ETV6: variants seen among roughly 807,000 people sequenced by gnomAD.
ETV6 encodes transcription factor ETV6.
Under a neutral mutation model 51.1 loss-of-function variants are expected in ETV6, and 16 were observed. The ratio of observed to expected loss-of-function variants is 0.31; its 90% CI spans 0.21 to 0.48. The LOEUF is 0.48. Ranked by LOEUF, ETV6 falls within the 20% of genes least tolerant of loss-of-function variation. The probability of loss-of-function intolerance (pLI) is 0.99; values close to 1 mark genes in which losing one functional copy is unlikely to be tolerated. For missense variants in ETV6, 458 were observed against 594.8 expected, an observed-to-expected ratio of 0.77 and a Z score of 2.39; for synonymous variants, 240 against 224.1, an observed-to-expected ratio of 1.07 and a Z score of -0.64.
In ETV6 at chr12:11,891,948, G is replaced by A. The variant is rs1200327918; in HGVS notation, c.*902G>A. 3 of 243,642 alleles carry A rather than the reference G, an allele frequency of 1.2e-5. No individual in the cohort carries two copies. Among genetic ancestry groups the A allele is most frequent in the Non-Finnish European group, 2.4e-5 (3 of 124,128 alleles). 15.1% of individuals were successfully genotyped at this position (243,642 alleles called of 1,614,324 possible). On this transcript the variant is annotated 3_prime_UTR_variant, in exon 8 of 8. Transcript: ENST00000396373. ...CCTGAGATGGCTGTGAGAACCATGT[G>A]TCTAAGGCGTAAGATAAGGATGGAA...
At chr12:11,676,465 G>C (rs767994082) in intron 1 of ETV6, among the ~76,000 whole-genome samples, 14 of 152,134 alleles carry the variant, frequency 9.2e-5, no homozygotes, top group Non-Finnish European at 2.1e-4. Context: ...TCTTTGTCTT[G>C]GACTGCCCTT....
At chr12:11,722,116 G>T (rs975392497) in intron 1 of ETV6, among the ~76,000 whole-genome samples, 2 of 152,220 alleles carry the variant, frequency 1.3e-5, no homozygotes, top group Non-Finnish European at 2.9e-5. Context: ...ATAATTAGGG[G>T]CTGGGAGAGC....
chr12:11,765,983 T>C (rs887764819), intron 2 of ETV6, among the ~76,000 whole-genome samples: 1 of 152,098 alleles, frequency 6.6e-6, no homozygotes, highest in Non-Finnish European at 1.5e-5. Flanking sequence ...AAGCCGCAGG[T>C]ACTGGTTGCC....
At chr12:11,842,324 T>G (rs1946404087) in intron 3 of ETV6, among the ~76,000 whole-genome samples, 1 of 152,138 alleles carries the variant, frequency 6.6e-6, no homozygotes, top group African/African-American at 2.4e-5. Flanking sequence ...TTCTCCCATC[T>G]TGTTCTACCT....
intron 2 of ETV6, among the ~76,000 whole-genome samples, chr12:11,794,112 A>T (rs1945642717): frequency 6.6e-6 from 1 of 152,192 alleles, no homozygotes; most frequent in Admixed American, 6.5e-5. Context: ...TCTTAGAGGC[A>T]CAATGGGAAC....
chr12:11,685,008 G>C (rs1864600779), intron 1 of ETV6, among the ~76,000 whole-genome samples: 1 of 152,122 alleles, frequency 6.6e-6, no homozygotes, highest in Non-Finnish European at 1.5e-5. Flanking sequence ...TCGGTGGTCA[G>C]GGAAGGCCTA....
intron 2 of ETV6, among the ~76,000 whole-genome samples, chr12:11,817,456 G>T (rs991972472): frequency 4.6e-5 from 7 of 152,132 alleles, no homozygotes; most frequent in Admixed American, 1.3e-4. Flanking sequence ...GAAAATTTAG[G>T]AAGAAATAAG....
intron 1 of ETV6, among the ~76,000 whole-genome samples, chr12:11,726,311 A>G (rs1865487705): frequency 6.6e-6 from 1 of 152,202 alleles, no homozygotes; most frequent in South Asian, 2.1e-4. Flanking sequence ...TCCTCAGGAA[A>G]CAGTACCAGA....
chr12:11,807,242 T>A (rs1407034516), intron 2 of ETV6, among the ~76,000 whole-genome samples: 1 of 152,272 alleles, frequency 6.6e-6, no homozygotes, highest in East Asian at 1.9e-4. Context: ...AGCAGGCGTC[T>A]ACTTAATTTT....
intron 2 of ETV6, among the ~76,000 whole-genome samples, chr12:11,786,930 T>C (rs961148959): frequency 2.0e-5 from 3 of 152,186 alleles, no homozygotes; most frequent in African/African-American, 4.8e-5. Context: ...GATAAGTGCC[T>C]GCATAATTGA....
At chr12:11,699,744 G>A (rs914189955) in intron 1 of ETV6, among the ~76,000 whole-genome samples, 2 of 152,040 alleles carry the variant, frequency 1.3e-5, no homozygotes, top group African/African-American at 4.8e-5. Context: ...CCAAAATGTT[G>A]TGGCCACCCT....
In ETV6 at chr12:11,661,252, C is replaced by G. The variant is rs568410993; in HGVS notation, c.33+11092C>G. 1.4e-4 allele frequency among the ~76,000 whole-genome samples: 22 copies of G among 152,360 alleles called. No individual in the cohort carries two copies. In the East Asian group the frequency reaches 2.7e-3, roughly 19 times the overall value. On this transcript the variant is annotated intron_variant, in intron 1 of 7. Coordinates refer to ENST00000396373, the MANE Select transcript of ETV6 (RefSeq NM_001987.5). ...AAGTGATCCTCCCACCTCGGCCTCC[C>G]AAACTGCTAGGATTATAGGCATGAA...
chr12:11,739,928 A>G (rs961583535), intron 1 of ETV6, among the ~76,000 whole-genome samples: 1 of 152,246 alleles, frequency 6.6e-6, no homozygotes, highest in Non-Finnish European at 1.5e-5. Flanking sequence ...AGTTAGAGTC[A>G]TAATTTTTCC....
intron 1 of ETV6, among the ~76,000 whole-genome samples, chr12:11,711,685 G>A (rs1865174984): frequency 6.6e-6 from 1 of 152,194 alleles, no homozygotes; most frequent in South Asian, 2.1e-4. Context: ...TTAAACAAGG[G>A]AGCAATGGCC....
At chr12:11,727,382 C>T (rs945186362) in intron 1 of ETV6, among the ~76,000 whole-genome samples, 4 of 152,228 alleles carry the variant, frequency 2.6e-5, no homozygotes, top group Non-Finnish European at 5.9e-5. Flanking sequence ...TCCTTTAGGG[C>T]CCTCTCCCTC....
At chr12:11,739,966 G>A (rs774198175) in intron 1 of ETV6, among the ~76,000 whole-genome samples, 7 of 152,220 alleles carry the variant, frequency 4.6e-5, no homozygotes, top group Non-Finnish European at 7.3e-5. Context: ...GCTTTATGTG[G>A]ATGGGTTTAT....
chr12:11,669,882 A>C (rs763151911), intron 1 of ETV6, among the ~76,000 whole-genome samples: 12 of 152,098 alleles, frequency 7.9e-5, no homozygotes, highest in Admixed American at 5.9e-4. Flanking sequence ...CCGAAATGAG[A>C]TCTTCACAAG....
At chr12:11,650,252 C>T in intron 1 of ETV6, 92 bp downstream of exon 1, 1 of 1,100,052 alleles carries the variant, frequency 9.1e-7, no homozygotes, top group South Asian at 1.2e-5. Flanking sequence ...CAGGCTGTTG[C>T]AGTTGCTCTG....
At chr12:11,706,485 A>G (rs1021657662) in intron 1 of ETV6, among the ~76,000 whole-genome samples, 3 of 152,256 alleles carry the variant, frequency 2.0e-5, no homozygotes, top group South Asian at 4.1e-4. Context: ...TTCAGCTTTT[A>G]GAGGCTGCTG....
Sources: gnomAD v4.1 joint callset for allele counts (sites outside exome capture counted in the v4.1 genomes callset) on GRCh38, gnomAD v4.1.1 for gene constraint, MANE v1.5 for transcripts, NCBI Gene and HGNC (gene_info 2026-07-23, HGNC 2026-07-21) for gene names.